USP15: variants seen among roughly 807,000 people sequenced by gnomAD.
USP15 encodes ubiquitin specific peptidase 15.
In USP15, 18 loss-of-function variants were observed where a neutral mutation model predicts 127.1. The ratio of observed to expected loss-of-function variants is 0.14; its 90% CI spans 0.10 to 0.21. USP15 has a LOEUF of 0.21. Ranked by LOEUF, USP15 falls within the 10% of genes least tolerant of loss-of-function variation. The probability of loss-of-function intolerance (pLI) is 1.00; values close to 1 mark genes in which losing one functional copy is unlikely to be tolerated. For synonymous variants in USP15, 364 were observed against 393.7 expected (o/e 0.92, Z 0.89); for missense variants, 805 against 1,159.9 (o/e 0.69, Z 4.44).
chr12:62,334,803 G>GT (rs1163813574), intron 6 of USP15, among the ~76,000 whole-genome samples: 1 of 152,144 alleles, frequency 6.6e-6, no homozygotes. Flanking sequence ...CTGTATTTTG[G>GT]TTGCTTAATA....
intron 8 of USP15, among the ~76,000 whole-genome samples, chr12:62,369,905 A>G (rs1463160141): frequency 6.6e-6 from 1 of 152,188 alleles, no homozygotes; most frequent in African/African-American, 2.4e-5. Context: ...ATGTGTCATC[A>G]TGATGATACC....
chr12:62,328,706 G>A (rs1473533742), intron 6 of USP15, among the ~76,000 whole-genome samples: 2 of 151,956 alleles, frequency 1.3e-5, no homozygotes, highest in East Asian at 1.9e-4. Context: ...ACCAATACAG[G>A]TCCAGAATTA....
In USP15 at chr12:62,406,469, T is replaced by C. The variant is rs1409846614; in HGVS notation, c.*2094T>C. 1 of 152,164 alleles carries C rather than the reference T, an allele frequency of 6.6e-6. No individual in the cohort carries two copies. Among genetic ancestry groups the C allele is most frequent in the Non-Finnish European group, 1.5e-5 (1 of 68,020 alleles). The allele number at this position is 152,164 out of a possible 1,614,324, so 9.4% of individuals were successfully genotyped here. A position where few individuals can be genotyped will look rare whatever the true frequency, so the allele number is the denominator to read the frequency against. On this transcript the variant is annotated 3_prime_UTR_variant, in exon 22 of 22. Transcript: ENST00000280377. ...TTAAAGAAAAGTCAAAGCTAAATCT[T>C]TTAAACCTATATTGTGGTCTCCATC... is the stretch of plus-strand genomic sequence containing the variant.
intron 1 of USP15, among the ~76,000 whole-genome samples, chr12:62,290,349 T>TGGG (rs1484331194): frequency 3.3e-5 from 5 of 152,216 alleles, no homozygotes; most frequent in African/African-American, 1.2e-4. Flanking sequence ...TCTATTGAAT[T>TGGG]GATCCCTTTA....
At chr12:62,356,218 C>T (rs1004247856) in intron 8 of USP15, among the ~76,000 whole-genome samples, 11 of 151,684 alleles carry the variant, frequency 7.3e-5, no homozygotes, top group Non-Finnish European at 5.9e-5. Flanking sequence ...TCGTCAGTCT[C>T]TTGTGAATTC....
At chr12:62,289,796 G>A (rs1163924580) in intron 1 of USP15, among the ~76,000 whole-genome samples, 1 of 149,462 alleles carries the variant, frequency 6.7e-6, no homozygotes, top group Non-Finnish European at 1.5e-5. Flanking sequence ...CCAGAGGTTT[G>A]GTATGTTGTA....
At chr12:62,300,464 G>T (rs2064276687) in intron 2 of USP15, among the ~76,000 whole-genome samples, 1 of 152,024 alleles carries the variant, frequency 6.6e-6, no homozygotes, top group Non-Finnish European at 1.5e-5. Flanking sequence ...AAACAACTTT[G>T]AATTTTAAAA....
intron 1 of USP15, among the ~76,000 whole-genome samples, chr12:62,277,015 T>C (rs1367410150): frequency 6.6e-6 from 1 of 152,126 alleles, no homozygotes; most frequent in Non-Finnish European, 1.5e-5. Flanking sequence ...CTAGCCTCAA[T>C]ATTATTCTTA....
Position 62,294,195 on chromosome 12 carries a change from C to T in USP15, c.106C>T (p.Arg36Cys), listed in dbSNP as rs1469283195. ...KGDTWYLVDS[R>C]WFKQWKKYVG... ...ATTTTTTAGGTACCTAGTCGATAGTCGCTGGTTCAAACAGTGGAAAAAATA... is the reference window on the plus strand; with the variant it reads ...ATTTTTTAGGTACCTAGTCGATAGTTGCTGGTTCAAACAGTGGAAAAAATA... The change falls in exon 2 of 22, where the codon CGC (arginine) becomes TGC (cysteine). Residue 36 changes from arginine to cysteine, a missense_variant. Physicochemically the swap from Arg to Cys is radical, Grantham distance 180. Transcript: ENST00000280377. 5.6e-6 allele frequency: 9 copies of T among 1,612,908 alleles called. No homozygotes were observed. Among genetic ancestry groups the T allele is most frequent in the Non-Finnish European group, 6.8e-6 (8 of 1,179,556 alleles).
At chr12:62,283,027 G>A (rs6581446) in intron 1 of USP15, among the ~76,000 whole-genome samples, 149,238 of 152,318 alleles carry the variant, frequency 0.98, 73,128 homozygotes, top group East Asian at 1. Context: ...GAAAACTAAC[G>A]GGAAATTTTG....
chr12:62,387,448 C>T (rs922652938), intron 11 of USP15, among the ~76,000 whole-genome samples: 21 of 152,084 alleles, frequency 1.4e-4, no homozygotes, highest in African/African-American at 4.1e-4. Flanking sequence ...AAAGACAACA[C>T]TCTAAAGAAC....
Position 62,389,416 on chromosome 12 carries a change from T to C in USP15, c.1474-15T>C, listed in dbSNP as rs747070259. 3.8e-6 allele frequency: 6 copies of C among 1,597,476 alleles called. No individual in the cohort carries two copies. The highest frequency in any genetic ancestry group is 5.1e-6 in the Non-Finnish European group (6 of 1,174,630). ...CCAAAATAATAAATTCATTACAATT[T>C]TTTTTGTTTTTTAGTACAAAGTGGT... On this transcript the variant is annotated splice_polypyrimidine_tract_variant and intron_variant, in intron 11 of 21. Coordinates refer to ENST00000280377, the MANE Select transcript of USP15 (RefSeq NM_001252078.2).
Position 62,294,160 on chromosome 12 carries a change from A to G in USP15, c.90-19A>G, listed in dbSNP as rs543725710. On this transcript the variant is annotated intron_variant, in intron 1 of 21. Coordinates refer to ENST00000280377, the MANE Select transcript of USP15 (RefSeq NM_001252078.2). ...GTATTTTCAGGTATTTTCCTTAACC[A>G]ATTTCTTTTATTTTTTAGGTACCTA... The G allele has an allele frequency of 1.2e-6, 2 of 1,608,468 alleles. No homozygotes were observed. The highest frequency in any genetic ancestry group is 1.7e-6 in the Non-Finnish European group (2 of 1,178,380).
intron 1 of USP15, among the ~76,000 whole-genome samples, chr12:62,272,613 C>A (rs750595719): frequency 1.3e-5 from 2 of 151,916 alleles, no homozygotes; most frequent in Non-Finnish European, 2.9e-5. Context: ...AGTGTAAAAG[C>A]ACCAAACAAC....
intron 8 of USP15, among the ~76,000 whole-genome samples, chr12:62,356,592 C>A (rs1272253407): frequency 6.6e-6 from 1 of 151,928 alleles, no homozygotes; most frequent in Non-Finnish European, 1.5e-5. Context: ...AGTTGAACCA[C>A]TTGGGAAGTG....
intron 7 of USP15, among the ~76,000 whole-genome samples, chr12:62,351,037 C>T (rs2065952196): frequency 6.6e-6 from 1 of 152,094 alleles, no homozygotes; most frequent in African/African-American, 2.4e-5. Context: ...AAAAATTAAA[C>T]AATGACATGT....
rs2067956457 is a variant in USP15 at position 62,408,716 on chromosome 12, CT to C, written c.*4343del. On this transcript the variant is annotated 3_prime_UTR_variant, in exon 22 of 22. Transcript: ENST00000280377. ...AGGAAAAGGTGAGTGTATTTATATC[CT>C]TGCTAGTTTTTGTTATATATTCAGT... 2 of 151,954 alleles carry C rather than the reference CT, an allele frequency of 1.3e-5. No homozygotes were observed. The highest frequency in any genetic ancestry group is 2.4e-5 in the African/African-American group (1 of 41,402). The allele number at this position is 151,954 out of a possible 1,614,324, so 9.4% of individuals were successfully genotyped here.
chr12:62,266,290 A>G (rs1416903473), intron 1 of USP15, among the ~76,000 whole-genome samples: 3 of 152,208 alleles, frequency 2.0e-5, no homozygotes, highest in South Asian at 4.1e-4. Context: ...TACTTGGTCC[A>G]TATTTTAAAA....
At chr12:62,399,057 T>A (rs974014840) in intron 20 of USP15, among the ~76,000 whole-genome samples, 16 of 152,196 alleles carry the variant, frequency 1.1e-4, no homozygotes, top group African/African-American at 3.6e-4. Context: ...TTGGTATCAT[T>A]TAATTTACAA....
Sources: allele counts gnomAD v4.1 joint callset (sites outside exome capture counted in the v4.1 genomes callset), GRCh38; gene constraint gnomAD v4.1.1; transcripts MANE v1.5; gene names NCBI Gene and HGNC (gene_info 2026-07-23, HGNC 2026-07-21).